The following WDR70 variants were observed in gnomAD, a reference collection of about 807,000 sequenced individuals.
WDR70 encodes WD repeat-containing protein 70.
In WDR70, 53 loss-of-function variants were observed where a neutral mutation model predicts 88.6. The observed-to-expected ratio is 0.60, with a 90% CI of 0.48 to 0.75. The LOEUF (loss-of-function observed/expected upper bound fraction) is 0.75. Among genes scored for constraint, WDR70 ranks in the 30% least tolerant of loss-of-function variants. The pLI is 0.00. For missense variants in WDR70, 610 were observed against 823.2 expected, an observed-to-expected ratio of 0.74 and a Z score of 3.17; for synonymous variants, 280 against 270.0, an observed-to-expected ratio of 1.04 and a Z score of -0.36.
intron 5 of WDR70, among the ~76,000 whole-genome samples, chr5:37,405,587 G>T (rs569728548): frequency 6.6e-6 from 1 of 151,618 alleles, no homozygotes; most frequent in Non-Finnish European, 1.5e-5. Flanking sequence ...AACAATTATT[G>T]GTGCTATAAA....
Position 37,602,154 on chromosome 5 carries a change from C to T in WDR70, c.918-2910C>T, listed in dbSNP as rs998179752. 5.3e-5 allele frequency among the ~76,000 whole-genome samples: 8 copies of T among 151,948 alleles called. No homozygotes were observed. In the South Asian group the frequency reaches 8.3e-4, roughly 16 times the overall value. On this transcript the variant is annotated intron_variant, in intron 9 of 17. Transcript: ENST00000265107. ...TGATGGGTGCAGCAAACCACCATGG[C>T]GCATGTATACCTATGTAACAAAACT...
chr5:37,395,935 G>A (rs1158402058), intron 4 of WDR70, among the ~76,000 whole-genome samples: 1 of 152,064 alleles, frequency 6.6e-6, no homozygotes, highest in Non-Finnish European at 1.5e-5. Context: ...TGAGTAGCTG[G>A]TACCACAAGC....
At chr5:37,694,505 A>C (rs1746919537) in intron 10 of WDR70, among the ~76,000 whole-genome samples, 1 of 152,348 alleles carries the variant, frequency 6.6e-6, no homozygotes, top group African/African-American at 2.4e-5. Flanking sequence ...ACACCATGGA[A>C]TACTATGCAG....
intron 5 of WDR70, among the ~76,000 whole-genome samples, chr5:37,415,108 T>G (rs574532363): frequency 6.7e-6 from 1 of 149,084 alleles, no homozygotes; most frequent in Non-Finnish European, 1.5e-5. Flanking sequence ...GGTAAGGTCA[T>G]AGATCAACAG....
intron 3 of WDR70, among the ~76,000 whole-genome samples, chr5:37,384,918 A>G (rs1251451292): frequency 1.3e-5 from 2 of 152,128 alleles, no homozygotes; most frequent in Non-Finnish European, 2.9e-5. Context: ...CTTCACTCAG[A>G]CACTAATCTC....
At chr5:37,594,698 G>A (rs1201529684) in intron 9 of WDR70, among the ~76,000 whole-genome samples, 1 of 152,134 alleles carries the variant, frequency 6.6e-6, no homozygotes, top group Non-Finnish European at 1.5e-5. Flanking sequence ...AGCTTGATGG[G>A]GATGGCATTG....
intron 3 of WDR70, among the ~76,000 whole-genome samples, chr5:37,384,761 C>T (rs958369303): frequency 9.9e-5 from 15 of 151,114 alleles, no homozygotes; most frequent in African/African-American, 3.6e-4. Flanking sequence ...TTCCAAAGTG[C>T]TAGGATTACA....
chr5:37,455,119 A>G (rs1199279729), intron 7 of WDR70, among the ~76,000 whole-genome samples: 1 of 152,060 alleles, frequency 6.6e-6, no homozygotes, highest in African/African-American at 2.4e-5. Flanking sequence ...TCTTAAGTTG[A>G]TATCTCTCAT....
In WDR70 at chr5:37,710,985, G is replaced by C. The variant is rs574904868; in HGVS notation, c.1416+7898G>C. On this transcript the variant is annotated intron_variant, in intron 13 of 17. Transcript: ENST00000265107. ...GTCTCTGAAAAACCCTATGCCTTCT[G>C]TCCTGGTTTTTAAACAACATTCAGA... 5.3e-5 allele frequency among the ~76,000 whole-genome samples: 8 copies of C among 151,988 alleles called. No homozygotes were observed. The East Asian group carries it at 1.5e-3, about 29-fold the overall frequency.
intron 9 of WDR70, among the ~76,000 whole-genome samples, chr5:37,591,612 GA>G (rs1417138276): frequency 2.0e-5 from 3 of 152,054 alleles, no homozygotes; most frequent in Admixed American, 1.3e-4. Context: ...TCTACTTTAA[GA>G]AAGAAAAAAT....
intron 9 of WDR70, 110 bp from the exon 10 acceptor site, chr5:37,604,954 A>C: frequency 1.1e-6 from 1 of 902,700 alleles, no homozygotes; most frequent in Non-Finnish European, 1.6e-6. Context: ...TAATTATTAG[A>C]TTTATGTGCC....
intron 5 of WDR70, among the ~76,000 whole-genome samples, chr5:37,406,758 A>G (rs915204170): frequency 1.5e-4 from 18 of 120,264 alleles, no homozygotes; most frequent in Non-Finnish European, 2.5e-4. Context: ...AACTTAAACT[A>G]AAAGGAAACT....
intron 9 of WDR70, among the ~76,000 whole-genome samples, chr5:37,604,159 CTA>C (rs1743966487): frequency 6.6e-6 from 1 of 151,630 alleles, no homozygotes; most frequent in African/African-American, 2.4e-5. Context: ...TTTATTCTAC[CTA>C]TGTCTTTTAA....
At chr5:37,595,115 A>G (rs1743662863) in intron 9 of WDR70, among the ~76,000 whole-genome samples, 1 of 152,152 alleles carries the variant, frequency 6.6e-6, no homozygotes, top group Admixed American at 6.5e-5. Flanking sequence ...CTCTTTTCCT[A>G]ACTGAATACG....
chr5:37,675,089 C>T (rs1467577335), intron 10 of WDR70, among the ~76,000 whole-genome samples: 3 of 151,650 alleles, frequency 2.0e-5, no homozygotes, highest in East Asian at 1.9e-4. Context: ...TGTTTGTTTT[C>T]TTCTTGTAAA....
rs1291092489 is a variant in WDR70, at chr5:37,697,952, TTAAA to T, written c.1192+201_1192+204del. 9 of 478,768 alleles carry T rather than the reference TTAAA, an allele frequency of 1.9e-5. No homozygotes were observed. The East Asian group carries it at 3.1e-4, about 17-fold the overall frequency. 29.7% of individuals were successfully genotyped at this position (478,768 alleles called of 1,614,324 possible). A position where few individuals can be genotyped will look rare whatever the true frequency, so the allele number is the denominator to read the frequency against. On this transcript the variant is annotated intron_variant, in intron 11 of 17. Transcript: ENST00000265107. Reference sequence around the variant, plus strand: ...TATTAAAAATTACCAAGTAAAATGTTTAAATATTTACTTTTTTTTGGCCTAAGTT... The same window carrying T: ...TATTAAAAATTACCAAGTAAAATGTTTATTTACTTTTTTTTGGCCTAAGTT...
chr5:37,457,507 T>C (rs930529818), intron 7 of WDR70, among the ~76,000 whole-genome samples: 7 of 152,220 alleles, frequency 4.6e-5, no homozygotes, highest in African/African-American at 1.4e-4. Context: ...GAGGGCAATT[T>C]GGCATTCTCT....
intron 10 of WDR70, among the ~76,000 whole-genome samples, chr5:37,658,821 T>C (rs947908732): frequency 2.6e-5 from 4 of 152,330 alleles, no homozygotes; most frequent in Admixed American, 2.0e-4. Flanking sequence ...TTCCCTTACC[T>C]AACCATTTGC....
intron 9 of WDR70, among the ~76,000 whole-genome samples, chr5:37,521,493 C>G (rs1269848094): frequency 6.6e-6 from 1 of 152,112 alleles, no homozygotes; most frequent in African/African-American, 2.4e-5. Context: ...CACCACTCGC[C>G]ACCGTTTCCC....
Sources: gnomAD v4.1 joint callset for allele counts (sites outside exome capture counted in the v4.1 genomes callset) on GRCh38, gnomAD v4.1.1 for gene constraint, MANE v1.5 for transcripts, NCBI Gene and HGNC (gene_info 2026-07-23, HGNC 2026-07-21) for gene names.